The following RGS6 variants were observed in gnomAD, a reference collection of about 807,000 sequenced individuals.
The protein encoded by RGS6 is regulator of G protein signaling 6, also known as regulator of G-protein signaling 6.
A neutral mutation model predicts 78.5 loss-of-function variants in RGS6; 30 were observed. That is an observed-to-expected ratio of 0.38 (90% confidence interval 0.29 to 0.52). The LOEUF is 0.52. RGS6 is among the 20% of genes least tolerant of loss of function. The pLI is 0.85. For synonymous variants in RGS6, 206 were observed against 206.0 expected, an observed-to-expected ratio of 1.00 and a Z score of 0.00; for missense variants, 495 against 609.7, an observed-to-expected ratio of 0.81 and a Z score of 1.98.
chr14:72,253,809 T>C (rs2056433778), intron 2 of RGS6, among the ~76,000 whole-genome samples: 1 of 152,196 alleles, frequency 6.6e-6, no homozygotes, highest in Non-Finnish European at 1.5e-5. Context: ...TCAGCATAAC[T>C]AAGAAATAAA....
At chr14:72,266,335 T>A (rs699367) in intron 2 of RGS6, among the ~76,000 whole-genome samples, 150,055 of 152,174 alleles carry the variant, frequency 0.99, 73,992 homozygotes, top group East Asian at 1. Flanking sequence ...TGAGCATTTC[T>A]AGAGAAAGGA....
intron 1 of RGS6, among the ~76,000 whole-genome samples, chr14:71,959,975 C>G (rs2093070214): frequency 6.6e-6 from 1 of 152,206 alleles, no homozygotes; most frequent in Non-Finnish European, 1.5e-5. Flanking sequence ...GATTCCCAGT[C>G]TGACTTCAAA....
chr14:72,463,317 C>T (rs1186392827), intron 6 of RGS6, among the ~76,000 whole-genome samples: 11 of 152,332 alleles, frequency 7.2e-5, no homozygotes, highest in Middle Eastern at 3.4e-3. Flanking sequence ...TCACTAGAGT[C>T]GGTTGGAAGT....
chr14:72,370,448 T>C (rs890156311), intron 3 of RGS6, among the ~76,000 whole-genome samples: 2 of 152,106 alleles, frequency 1.3e-5, no homozygotes, highest in African/African-American at 4.8e-5. Context: ...GGTTTTACCA[T>C]GGTCAGCAGC....
At chr14:72,272,586 A>G (rs1264064524) in intron 2 of RGS6, among the ~76,000 whole-genome samples, 1 of 152,194 alleles carries the variant, frequency 6.6e-6, no homozygotes, top group Non-Finnish European at 1.5e-5. Flanking sequence ...AAAATCCTGA[A>G]ATAAGATACA....
intron 13 of RGS6, among the ~76,000 whole-genome samples, chr14:72,501,376 T>C (rs1376898275): frequency 1.4e-5 from 2 of 146,846 alleles, no homozygotes; most frequent in African/African-American, 5.4e-5. Flanking sequence ...AGTCCAAGGA[T>C]AAGAAAGTTA....
the RGS6 span, among the ~76,000 whole-genome samples, chr14:71,909,910 A>C: frequency 6.6e-6 from 1 of 152,164 alleles, no homozygotes; most frequent in Admixed American, 6.6e-5. Flanking sequence ...CAAGCAGACC[A>C]GGTGCGGTGG....
the RGS6 span, among the ~76,000 whole-genome samples, chr14:72,618,509 C>T: frequency 5.3e-5 from 8 of 152,220 alleles, no homozygotes; most frequent in Non-Finnish European, 7.3e-5. Context: ...CTAAAGGATG[C>T]CCCAGCTCTG....
chr14:72,254,470 T>G lies in RGS6; in HGVS notation c.85-97625T>G, dbSNP rs150875126. On this transcript the variant is annotated intron_variant, in intron 2 of 17. Transcript: ENST00000553525. The stretch of plus-strand genomic sequence containing the variant: ...TGAAGCCTCATCTGCTGCTTGACAG[T>G]GCATGCCTGAGAGTTGCTTTTCCAC... Among the ~76,000 whole-genome samples, 287 of 152,214 alleles carry G rather than the reference T, an allele frequency of 1.9e-3. 1 individual carries two copies. The highest frequency in any genetic ancestry group is 3.5e-3 in the Non-Finnish European group (238 of 68,024).
intron 2 of RGS6, among the ~76,000 whole-genome samples, chr14:72,335,020 G>A (rs561477777): frequency 6.6e-6 from 1 of 152,084 alleles, no homozygotes; most frequent in African/African-American, 2.4e-5. Flanking sequence ...TGAATCATGG[G>A]GGGGCAGGTC....
intron 3 of RGS6, among the ~76,000 whole-genome samples, chr14:72,425,129 G>C (rs531886689): frequency 1.3e-5 from 2 of 152,280 alleles, no homozygotes; most frequent in East Asian, 3.9e-4. Context: ...AAGAATTGAT[G>C]GATTGGAAGG....
chr14:72,398,075 TAGGG>T (rs1330898099), intron 3 of RGS6, among the ~76,000 whole-genome samples: 1 of 152,196 alleles, frequency 6.6e-6, no homozygotes, highest in Non-Finnish European at 1.5e-5. Flanking sequence ...TAAAATGAGT[TAGGG>T]AGGATTCCCT....
chr14:71,990,951 T>G, intron 2 of RGS6: 2 of 427,840 alleles, frequency 4.7e-6, no homozygotes, highest in South Asian at 3.4e-5. Flanking sequence ...AACCTGATTC[T>G]CTTTGACAGG....
chr14:72,472,178 A>AG (rs2096097071), intron 8 of RGS6, among the ~76,000 whole-genome samples: 1 of 149,294 alleles, frequency 6.7e-6, no homozygotes, highest in African/African-American at 2.5e-5. Context: ...TTAAGAAAAA[A>AG]AAAAAAAGAA....
At chr14:72,553,804 C>G (rs80160535) in intron 17 of RGS6, among the ~76,000 whole-genome samples, 48 of 152,324 alleles carry the variant, frequency 3.2e-4, no homozygotes, top group African/African-American at 1.1e-3. Context: ...CCTCTGTGGG[C>G]CCTGGGCCAA....
intron 2 of RGS6, among the ~76,000 whole-genome samples, chr14:72,340,233 C>T (rs190697427): frequency 5.3e-5 from 8 of 152,204 alleles, no homozygotes; most frequent in Admixed American, 1.3e-4. Flanking sequence ...CCCTCCCCAG[C>T]TGGTGGCTCT....
At chr14:72,354,923 T>G (rs539590643) in intron 3 of RGS6, among the ~76,000 whole-genome samples, 1 of 152,068 alleles carries the variant, frequency 6.6e-6, no homozygotes, top group African/African-American at 2.4e-5. Context: ...ATATAGACTA[T>G]GTATGTAATT....
chr14:72,473,261 G>A (rs2096137419), intron 9 of RGS6, among the ~76,000 whole-genome samples: 1 of 152,184 alleles, frequency 6.6e-6, no homozygotes, highest in Non-Finnish European at 1.5e-5. Context: ...GGCTAACACG[G>A]TGAAACCCCG....
chr14:72,372,376 G>A (rs774169768), intron 3 of RGS6, among the ~76,000 whole-genome samples: 11 of 152,086 alleles, frequency 7.2e-5, no homozygotes, highest in Non-Finnish European at 1.6e-4. Flanking sequence ...ACTTAATTCA[G>A]GTTCTATGAC....
Sources: gnomAD v4.1 joint callset for allele counts (sites outside exome capture counted in the v4.1 genomes callset) on GRCh38, gnomAD v4.1.1 for gene constraint, MANE v1.5 for transcripts, NCBI Gene and HGNC (gene_info 2026-07-23, HGNC 2026-07-21) for gene names.